ADGRV1: variants seen among roughly 807,000 people sequenced by gnomAD.
ADGRV1 encodes G-protein coupled receptor 98.
In ADGRV1, 359 loss-of-function variants were observed where a neutral mutation model predicts 596.2. That is an observed-to-expected ratio of 0.60 (90% confidence interval 0.55 to 0.66). The LOEUF is 0.66. Ranked by LOEUF, ADGRV1 falls within the 30% of genes least tolerant of loss-of-function variation. The pLI, the probability that ADGRV1 is intolerant of heterozygous loss-of-function variation, is 0.00. For synonymous variants in ADGRV1, 2,681 were observed against 2,679.2 expected (o/e 1.00, Z -0.02); for missense variants, 7,274 against 7,575.6 (o/e 0.96, Z 1.48).
Position 91,030,371 on chromosome 5 carries a change from A to G in ADGRV1, c.18153-42076A>G, listed in dbSNP as rs372701131. ...TTGGTATTTTGGTATCTAAATTATG[A>G]TAACATAAAAAATGAAGTGGAGAGA... On this transcript the variant is annotated intron_variant, in intron 85 of 89. Coordinates refer to ENST00000405460, the MANE Select transcript of ADGRV1 (RefSeq NM_032119.4). 1.9e-4 allele frequency among the ~76,000 whole-genome samples: 29 copies of G among 152,260 alleles called. No individual in the cohort carries two copies. The East Asian group carries it at 2.1e-3, about 11-fold the overall frequency.
chr5:91,000,529 G>A lies in ADGRV1; in HGVS notation c.18152+15007G>A, dbSNP rs142622294. On this transcript the variant is annotated intron_variant, in intron 85 of 89. Transcript: ENST00000405460. ...TTTTTGAAGGTACCAGTCTCCCAAC[G>A]CAAGAGCTAGTTAGTCTTAATTGTT... 1.3e-3 allele frequency among the ~76,000 whole-genome samples: 201 copies of A among 152,170 alleles called. 1 individual carries two copies. Among genetic ancestry groups the A allele is most frequent in the Non-Finnish European group, 1.1e-3 (73 of 68,000 alleles).
At chr5:90,953,098 C>CA (rs1777184658) in intron 83 of ADGRV1, among the ~76,000 whole-genome samples, 2 of 152,084 alleles carry the variant, frequency 1.3e-5, no homozygotes, top group Non-Finnish European at 2.9e-5. Flanking sequence ...GAAAAAATCT[C>CA]AATTGCATCT....
intron 52 of ADGRV1, among the ~76,000 whole-genome samples, chr5:90,749,805 A>G (rs1354517844): frequency 1.3e-5 from 2 of 152,216 alleles, no homozygotes; most frequent in East Asian, 3.8e-4. Context: ...GTAGTCACAC[A>G]GAAACAGATA....
At chr5:91,113,356 G>A (rs1281610881) in intron 87 of ADGRV1, among the ~76,000 whole-genome samples, 1 of 152,122 alleles carries the variant, frequency 6.6e-6, no homozygotes, top group Non-Finnish European at 1.5e-5. Flanking sequence ...AGCTGTTGCA[G>A]GCGAAATTTC....
chr5:90,627,669 T>G lies in ADGRV1; in HGVS notation c.1131T>G (p.Ser377=), dbSNP rs200435877. 482 of 1,613,848 alleles carry G rather than the reference T, an allele frequency of 3.0e-4. 4 individuals carry two copies. In the South Asian group the frequency reaches 3.7e-3, roughly 12 times the overall value. The part of the protein sequence containing the change: ...LQGDAVLISP[S]VVQVTIKPND... ...GAGATGCTGTGCTAATAAGCCCTTC[T>G]GTTGTACAAGTCACCATTAAGCCAA... The change falls in exon 7 of 90, where the codon TCT becomes TCG. Residue 377 remains serine, a synonymous_variant. Transcript: ENST00000405460.
intron 85 of ADGRV1, among the ~76,000 whole-genome samples, chr5:91,029,440 A>T (rs1784303775): frequency 6.6e-6 from 1 of 152,214 alleles, no homozygotes; most frequent in Non-Finnish European, 1.5e-5. Context: ...TAGTTCAATG[A>T]ACACATTTCC....
rs572286327 is a variant in ADGRV1, at chr5:90,940,310, T to C, written c.17857-25105T>C. Among the ~76,000 whole-genome samples, 3 of 152,322 alleles carry C rather than the reference T, an allele frequency of 2.0e-5. No individual in the cohort carries two copies. In the East Asian group the frequency reaches 5.8e-4, roughly 29 times the overall value. On this transcript the variant is annotated intron_variant, in intron 83 of 89. Coordinates refer to ENST00000405460, the MANE Select transcript of ADGRV1 (RefSeq NM_032119.4). The stretch of plus-strand genomic sequence containing the variant: ...CAAACTATTCCACAAAGAGAAAATA[T>C]ATTATCTGTGTTACTATCTAGTGTT...
intron 15 of ADGRV1, among the ~76,000 whole-genome samples, chr5:90,645,750 C>T (rs944771416): frequency 6.6e-6 from 1 of 151,894 alleles, no homozygotes; most frequent in Admixed American, 6.6e-5. Context: ...CATAGTTAGT[C>T]TAAATGAAGT....
intron 1 of ADGRV1, among the ~76,000 whole-genome samples, chr5:90,574,588 G>T (rs1246607655): frequency 6.6e-6 from 1 of 152,108 alleles, no homozygotes; most frequent in Admixed American, 6.5e-5. Context: ...ATCATATCGG[G>T]TTGACGCCAG....
At chr5:90,643,539 A>G (rs1767285057) in intron 13 of ADGRV1, among the ~76,000 whole-genome samples, 1 of 152,182 alleles carries the variant, frequency 6.6e-6, no homozygotes, top group African/African-American at 2.4e-5. Context: ...ATCATCAGAG[A>G]TAACATCCAC....
In ADGRV1 at chr5:90,838,087, G is replaced by A. The variant is rs115924681; in HGVS notation, c.16612-2491G>A. Among the ~76,000 whole-genome samples, 356 of 152,258 alleles carry A rather than the reference G, an allele frequency of 2.3e-3. 1 individual carries two copies. The highest frequency in any genetic ancestry group is 8.3e-3 in the African/African-American group (346 of 41,548). On this transcript the variant is annotated intron_variant, in intron 77 of 89. Transcript: ENST00000405460. The stretch of plus-strand genomic sequence containing the variant: ...ATGTCTGTGAACTATCCATGCTGAT[G>A]TGTGTACTTGAAATCCTTTCATTTT...
intron 70 of ADGRV1, 122 bp from the exon 71 acceptor site, chr5:90,802,617 C>T (rs2150188426): frequency 1.3e-6 from 1 of 750,550 alleles, no homozygotes; most frequent in Non-Finnish European, 2.2e-6. Flanking sequence ...GGGAAAAGTG[C>T]ATGTATTGAT....
At chr5:90,802,927 C>T in intron 71 of ADGRV1, 45 bp downstream of exon 71, 2 of 1,489,716 alleles carry the variant, frequency 1.3e-6, no homozygotes, top group Non-Finnish European at 1.8e-6. Flanking sequence ...CACTAGAGGG[C>T]AGCTTTTACA....
At chr5:90,772,836 T>A (rs1291183420) in intron 59 of ADGRV1, among the ~76,000 whole-genome samples, 1 of 152,168 alleles carries the variant, frequency 6.6e-6, no homozygotes, top group East Asian at 1.9e-4. Context: ...TTGCAAATAG[T>A]ATAAAGGCAA....
At position 90,725,587 on chromosome 5, in the gene ADGRV1, A is replaced by G. The variant is rs758103463; in HGVS notation, c.10092A>G (p.Arg3364=). ...TTATTCTGGAAAGTTCTCAAGTAAG[A>G]TATTTTACTTCAGACAGCCAAGATT... The part of the protein sequence containing the change: ...TIIILESSQV[R]YFTSDSQDYL... Residue 3364 remains arginine, a synonymous_variant, in exon 48 of 90, where the codon AGA becomes AGG. Transcript: ENST00000405460. The G allele has an allele frequency of 3.2e-6, 5 of 1,584,614 alleles. No individual in the cohort carries two copies. The highest frequency in any genetic ancestry group is 4.3e-6 in the Non-Finnish European group (5 of 1,153,822).
chr5:90,711,308 A>G lies in ADGRV1; in HGVS notation c.9028A>G (p.Ile3010Val). The G allele has an allele frequency of 6.2e-7, 1 of 1,609,796 alleles. No homozygotes were observed. The highest frequency in any genetic ancestry group is 8.5e-7 in the Non-Finnish European group (1 of 1,178,352). The change falls in exon 41 of 90, where the codon ATC becomes GTC. Residue 3010 changes from isoleucine (I) to valine (V), a missense_variant. Ile to Val is a conservative substitution (Grantham distance 29, BLOSUM62 3). Coordinates refer to ENST00000405460, the MANE Select transcript of ADGRV1 (RefSeq NM_032119.4). ...NLEAQVGLDY[I>V]FTPMILHFAD... ...GGAAGCACAAGTGGGGCTGGATTAT[A>G]TCTTCACCCCAATGGTGGGTCTCAA...
Position 90,809,293 on chromosome 5 carries a change from T to TACACACACACACACACACACACACACAC in ADGRV1, c.14973-933_14973-906dup, listed in dbSNP as rs60659185. 9.7e-5 allele frequency among the ~76,000 whole-genome samples: 13 copies of TACACACACACACACACACACACACACAC among 134,624 alleles called. 1 individual carries two copies. Among genetic ancestry groups the TACACACACACACACACACACACACACAC allele is most frequent in the African/African-American group, 2.3e-4 (8 of 35,386 alleles). The allele number at this position is 134,624 out of a possible 152,430, so 88.3% of individuals were successfully genotyped here. The stretch of plus-strand genomic sequence containing the variant: ...GTGCTTACTCTAGGCCGGGCATAAA[T>TACACACACACACACACACACACACACAC]ACACACACACACACACACACACACA... On this transcript the variant is annotated intron_variant, in intron 73 of 89. Transcript: ENST00000405460.
At chr5:90,701,731 A>G (rs1481461369) in intron 34 of ADGRV1, among the ~76,000 whole-genome samples, 2 of 151,888 alleles carry the variant, frequency 1.3e-5, no homozygotes, top group Non-Finnish European at 2.9e-5. Flanking sequence ...TAGTGTTTTT[A>G]CATGTAGTAA....
At chr5:90,817,475 T>C (rs1444900775) in intron 75 of ADGRV1, among the ~76,000 whole-genome samples, 1 of 151,554 alleles carries the variant, frequency 6.6e-6, no homozygotes, top group Non-Finnish European at 1.5e-5. Context: ...GTTTTGGACA[T>C]GAAGTCCTTG....
Sources: gnomAD v4.1 joint callset for allele counts (sites outside exome capture counted in the v4.1 genomes callset) on GRCh38, gnomAD v4.1.1 for gene constraint, MANE v1.5 for transcripts, NCBI Gene and HGNC (gene_info 2026-07-23, HGNC 2026-07-21) for gene names.